EMC3: variants seen among roughly 807,000 people sequenced by gnomAD.
EMC3 encodes ER membrane protein complex subunit 3.
A neutral mutation model predicts 36.6 loss-of-function variants in EMC3; 13 were observed. The observed-to-expected ratio is 0.35, with a 90% CI of 0.23 to 0.56. The LOEUF (loss-of-function observed/expected upper bound fraction) is 0.56, where lower values mean the gene tolerates loss of function less well. Ranked by LOEUF, EMC3 falls within the 20% of genes least tolerant of loss-of-function variation. The pLI is 0.84. For missense variants in EMC3, 220 were observed against 324.5 expected, an observed-to-expected ratio of 0.68 and a Z score of 2.47; for synonymous variants, 120 against 111.9, an observed-to-expected ratio of 1.07 and a Z score of -0.46.
chr3:9,987,859 C>A, upstream of EMC3: 1 of 710,250 alleles, frequency 1.4e-6, no homozygotes, highest in Non-Finnish European at 2.6e-6. Flanking sequence ...CTGTACCTAC[C>A]CACTATGAAT....
chr3:9,984,025 C>G (rs975182260), intron 1 of EMC3, among the ~76,000 whole-genome samples: 1 of 151,722 alleles, frequency 6.6e-6, no homozygotes, highest in Non-Finnish European at 1.5e-5. Flanking sequence ...TGCTAAATGT[C>G]TGAGCTTTCC....
chr3:9,988,064 C>G (rs2086000282), upstream of EMC3: 1 of 620,442 alleles, frequency 1.6e-6, no homozygotes, highest in Admixed American at 2.5e-5. Flanking sequence ...TCACAGTTCT[C>G]TGACATCCCA....
At chr3:9,988,083 G>C, upstream of EMC3, 1 of 583,922 alleles carries the variant, frequency 1.7e-6, no homozygotes, top group East Asian at 3.1e-5. Context: ...CACAGTCAGA[G>C]TTGGAGCTTA....
chr3:9,972,832 CT>C (rs113982519), intron 5 of EMC3, among the ~76,000 whole-genome samples: 32,107 of 141,776 alleles, frequency 0.23, 3,947 homozygotes, highest in African/African-American at 0.35. Context: ...AAATCCTCAT[CT>C]TTTTTTTTTT....
At chr3:9,967,526 G>T (rs891400091) in intron 7 of EMC3, among the ~76,000 whole-genome samples, 1 of 152,132 alleles carries the variant, frequency 6.6e-6, no homozygotes, top group African/African-American at 2.4e-5. Flanking sequence ...ATGATAAATA[G>T]ATGTGTTTAT....
chr3:10,001,895 A>G (rs1381914191), intron 1 of EMC3, among the ~76,000 whole-genome samples: 2 of 151,976 alleles, frequency 1.3e-5, no homozygotes, highest in Non-Finnish European at 2.9e-5. Context: ...GCTACTCAGG[A>G]GGCTGAGGCA....
chr3:9,986,699 GCTTCT>G lies in EMC3; in HGVS notation c.-43_-39del, dbSNP rs1351545740. 3 of 1,610,492 alleles carry G rather than the reference GCTTCT, an allele frequency of 1.9e-6. No individual in the cohort carries two copies. The highest frequency in any genetic ancestry group is 1.3e-5 in the African/African-American group (1 of 74,816). The stretch of plus-strand genomic sequence containing the variant: ...CTGGTTCCCAGTCTGGAATGGGCGA[GCTTCT>G]CTTCTCCGGGGCACAGTTGCTTCTC... On this transcript the variant is annotated 5_prime_UTR_variant, in exon 1 of 8. Coordinates refer to ENST00000245046, the MANE Select transcript of EMC3 (RefSeq NM_001394674.1).
At chr3:9,991,358 T>C (rs2086049722), upstream of EMC3, among the ~76,000 whole-genome samples, 2 of 152,232 alleles carry the variant, frequency 1.3e-5, no homozygotes, top group African/African-American at 4.8e-5. Flanking sequence ...TTTTCTCTGC[T>C]CTCTTTCCCA....
intron 1 of EMC3, chr3:9,993,016 G>C (rs1040159183): frequency 1.8e-4 from 184 of 1,008,226 alleles, no homozygotes; most frequent in Non-Finnish European, 2.5e-4. Context: ...TACTTAGTAA[G>C]TGTCAGAGAC....
chr3:10,008,238 G>C (rs9837460), intron 1 of EMC3: 128,101 of 434,644 alleles, frequency 0.29, 24,970 homozygotes, highest in African/African-American at 0.74. Flanking sequence ...ACTGGACGAG[G>C]CCAGAATTCT....
chr3:9,975,528 C>T (rs2085837959), intron 3 of EMC3, among the ~76,000 whole-genome samples: 1 of 151,218 alleles, frequency 6.6e-6, no homozygotes, highest in African/African-American at 2.4e-5. Flanking sequence ...AAAGAGATAT[C>T]TTGGCCAGGC....
upstream of EMC3, chr3:9,987,269 G>C (rs2085987729): frequency 1.0e-6 from 1 of 984,508 alleles, no homozygotes; most frequent in Non-Finnish European, 1.2e-6. Flanking sequence ...TTCTCGGTGA[G>C]TAAATGGAGC....
chr3:9,986,931 G>A, upstream of EMC3: 3 of 1,243,664 alleles, frequency 2.4e-6, no homozygotes, highest in Non-Finnish European at 3.1e-6. Context: ...ACTATCGGCG[G>A]TGGCCCAGGC....
intron 1 of EMC3, among the ~76,000 whole-genome samples, chr3:10,005,584 C>G (rs969210804): frequency 2.0e-5 from 3 of 152,196 alleles, no homozygotes; most frequent in African/African-American, 7.2e-5. Flanking sequence ...ACTTCTTGCC[C>G]TTCAACTTGA....
chr3:9,968,274 A>G (rs1332524661), intron 7 of EMC3, among the ~76,000 whole-genome samples: 2 of 152,232 alleles, frequency 1.3e-5, no homozygotes, highest in Non-Finnish European at 2.9e-5. Flanking sequence ...TTTTGATACT[A>G]TTATAAATAA....
At chr3:9,998,763 T>A (rs919001278) in intron 1 of EMC3, among the ~76,000 whole-genome samples, 2 of 152,186 alleles carry the variant, frequency 1.3e-5, no homozygotes, top group African/African-American at 4.8e-5. Flanking sequence ...TTTTTGTTTG[T>A]TTTGTTTTTC....
chr3:10,007,661 A>C lies in EMC3; in HGVS notation c.-242+3362T>G, dbSNP rs764204450. ...GGGGGTGGTGGGAATGGGGGCTTTC[A>C]TAAGGTAGGTTCCAGCTTCCCAGGA... On this transcript the variant is annotated intron_variant, in intron 1 of 8. Coordinates refer to the EMC3 transcript ENST00000470827. 5.2e-6 allele frequency: 7 copies of C among 1,348,604 alleles called. No individual in the cohort carries two copies. In the South Asian group the frequency reaches 6.9e-5, roughly 13 times the overall value. 83.5% of individuals were successfully genotyped at this position (1,348,604 alleles called of 1,614,324 possible). A position where few individuals can be genotyped will look rare whatever the true frequency, so the allele number is the denominator to read the frequency against.
At chr3:9,967,831 T>C (rs1343999678) in intron 7 of EMC3, among the ~76,000 whole-genome samples, 1 of 152,260 alleles carries the variant, frequency 6.6e-6, no homozygotes, top group Admixed American at 6.5e-5. Flanking sequence ...TTCCAATCTA[T>C]GAACATGGAT....
At chr3:9,964,316 A>G (rs980487100) in intron 7 of EMC3, 119 bp from the exon 8 acceptor site, 19 of 1,446,472 alleles carry the variant, frequency 1.3e-5, no homozygotes, top group Admixed American at 2.7e-5. Flanking sequence ...TGCATGTATA[A>G]GCTCATTCAA....
Sources: allele counts gnomAD v4.1 joint callset (sites outside exome capture counted in the v4.1 genomes callset), GRCh38; gene constraint gnomAD v4.1.1; transcripts MANE v1.5; gene names NCBI Gene and HGNC (gene_info 2026-07-23, HGNC 2026-07-21).